Variants in ARHGAP8 observed in about 807,000 individuals in gnomAD.
ARHGAP8 encodes rho GTPase-activating protein 8.
ARHGAP8 carries 62 observed loss-of-function variants against 46.1 expected under a neutral mutation model. The ratio of observed to expected loss-of-function variants is 1.34; its 90% CI spans 1.10 to 1.66. The LOEUF is 1.66. Ranked by LOEUF, ARHGAP8 falls within the 40% of genes most tolerant of loss-of-function variation. ARHGAP8 has a pLI of 0.00. For synonymous variants in ARHGAP8, 375 were observed against 243.1 expected, an observed-to-expected ratio of 1.54 and a Z score of -5.05; for missense variants, 923 against 568.4, an observed-to-expected ratio of 1.62 and a Z score of -6.34.
At chr22:44,792,793 G>GTGA in intron 2 of ARHGAP8, among the ~76,000 whole-genome samples, 1 of 111,072 alleles carries the variant, frequency 9.0e-6, no homozygotes, top group South Asian at 3.7e-4. Flanking sequence ...ACTAACGACA[G>GTGA]TGGTGGTGGT....
At chr22:44,786,333 G>C in intron 1 of ARHGAP8, 124 bp from the exon 2 acceptor site, 1 of 1,096,218 alleles carries the variant, frequency 9.1e-7, no homozygotes, top group South Asian at 1.7e-5. Flanking sequence ...GCACGGCTGA[G>C]GTAGGGCGCG....
At chr22:44,814,881 G>A in intron 5 of ARHGAP8, 123 bp downstream of exon 5, 2 of 1,180,044 alleles carry the variant, frequency 1.7e-6, no homozygotes, top group South Asian at 1.5e-5. Flanking sequence ...TGTGTATCTG[G>A]GGCTCCCTAC....
rs137869120 is a variant in ARHGAP8, at chr22:44,821,959, C to T, written c.387-412C>T. 4.8e-3 allele frequency among the ~76,000 whole-genome samples: 725 copies of T among 152,174 alleles called. 3 individuals carry two copies. Among genetic ancestry groups the T allele is most frequent in the Non-Finnish European group, 6.9e-3 (471 of 67,990 alleles). On this transcript the variant is annotated intron_variant, in intron 5 of 11. Transcript: ENST00000356099. ...GAAGCCACCACTGACCCCAAAACCG[C>T]GAGCAACTGAGGCTGCCCTGGGGCA...
chr22:44,775,512 G>C (rs979088455), intron 1 of ARHGAP8, among the ~76,000 whole-genome samples: 7 of 151,764 alleles, frequency 4.6e-5, no homozygotes, highest in Non-Finnish European at 7.4e-5. Context: ...CAATGGCACA[G>C]TCTTGGCTCA....
chr22:44,862,763 G>A lies in ARHGAP8; in HGVS notation c.*168G>A. On this transcript the variant is annotated 3_prime_UTR_variant, in exon 12 of 12. Transcript: ENST00000356099. ...TTGGACTCTTGTCCATGGTTCCTGAGCTGTGGACCGGGATAGAATAATGCA... is the reference window on the plus strand; with the variant it reads ...TTGGACTCTTGTCCATGGTTCCTGAACTGTGGACCGGGATAGAATAATGCA... The A allele has an allele frequency of 1.9e-5, 16 of 821,792 alleles. No individual in the cohort carries two copies. The highest frequency in any genetic ancestry group is 2.9e-5 in the Non-Finnish European group (16 of 554,932). The allele number at this position is 821,792 out of a possible 1,614,324, so 50.9% of individuals were successfully genotyped here. A position where few individuals can be genotyped will look rare whatever the true frequency, so the allele number is the denominator to read the frequency against.
intron 1 of ARHGAP8, 29 bp downstream of exon 1, chr22:44,752,656 C>T (rs1221023423): frequency 8.0e-6 from 1 of 124,852 alleles, no homozygotes; most frequent in African/African-American, 3.1e-5. Flanking sequence ...GGAGGGAGCG[C>T]GCAGGGAGGA....
In ARHGAP8 at chr22:44,842,357, AAAACAAAC is replaced by A. The variant is rs371563051; in HGVS notation, c.597-2896_597-2889del. The stretch of plus-strand genomic sequence containing the variant: ...GGGGGACAGAGCGAGACTCCATCTC[AAAACAAAC>A]AAACAAACAAACAAAAACAGCACAG... On this transcript the variant is annotated intron_variant, in intron 7 of 11. Transcript: ENST00000356099. Among the ~76,000 whole-genome samples the A allele has an allele frequency of 3.0e-4, 46 of 152,176 alleles. 1 individual carries two copies. The highest frequency in any genetic ancestry group is 1.1e-3 in the African/African-American group (46 of 41,480).
chr22:44,860,924 A>G (rs867575624), intron 11 of ARHGAP8, among the ~76,000 whole-genome samples: 2 of 151,966 alleles, frequency 1.3e-5, no homozygotes, highest in Admixed American at 6.6e-5. Flanking sequence ...GGAGAATGTC[A>G]CTTCTTGGTT....
intron 7 of ARHGAP8, among the ~76,000 whole-genome samples, chr22:44,832,298 C>T (rs935273508): frequency 4.1e-5 from 6 of 146,620 alleles, no homozygotes; most frequent in East Asian, 2.0e-4. Flanking sequence ...GCAATCTTGG[C>T]GCACTACAAC....
intron 9 of ARHGAP8, among the ~76,000 whole-genome samples, chr22:44,848,485 C>T (rs894450378): frequency 1.3e-5 from 2 of 152,252 alleles, no homozygotes; most frequent in African/African-American, 4.8e-5. Context: ...CTAATGAAGG[C>T]GCTGTCTTGC....
chr22:44,820,543 G>A (rs568565134), intron 5 of ARHGAP8, among the ~76,000 whole-genome samples: 23 of 152,282 alleles, frequency 1.5e-4, no homozygotes, highest in Non-Finnish European at 2.2e-4. Context: ...TGGGCAGGCG[G>A]TGAGGACACT....
intron 1 of ARHGAP8, among the ~76,000 whole-genome samples, chr22:44,779,311 G>A (rs748546556): frequency 1.3e-5 from 2 of 151,896 alleles, no homozygotes; most frequent in Non-Finnish European, 2.9e-5. Context: ...ATGTTGACCA[G>A]GCTGGTCTCG....
intron 1 of ARHGAP8, among the ~76,000 whole-genome samples, chr22:44,785,445 C>T (rs1927146652): frequency 6.6e-6 from 1 of 152,096 alleles, no homozygotes; most frequent in Non-Finnish European, 1.5e-5. Context: ...CCTGGTGTCC[C>T]TTGGCTTGCG....
chr22:44,756,075 G>A (rs1047337576), intron 1 of ARHGAP8, among the ~76,000 whole-genome samples: 2 of 136,366 alleles, frequency 1.5e-5, no homozygotes, highest in Non-Finnish European at 3.3e-5. Context: ...TTTAGAGCCT[G>A]CTCCTTCCAC....
At chr22:44,831,108 C>T (rs919970932) in intron 7 of ARHGAP8, among the ~76,000 whole-genome samples, 2 of 152,136 alleles carry the variant, frequency 1.3e-5, no homozygotes, top group African/African-American at 4.8e-5. Context: ...TTCTTCCGTC[C>T]TATGTGTTGT....
chr22:44,810,179 G>A (rs1929232762), intron 4 of ARHGAP8, among the ~76,000 whole-genome samples: 1 of 151,182 alleles, frequency 6.6e-6, no homozygotes, highest in African/African-American at 2.4e-5. Context: ...ACTAGGCTGT[G>A]ATCCCGGACC....
chr22:44,753,963 G>T (rs1056048825), intron 1 of ARHGAP8, among the ~76,000 whole-genome samples: 1 of 152,194 alleles, frequency 6.6e-6, no homozygotes, highest in Non-Finnish European at 1.5e-5. Context: ...GATCATGTTT[G>T]TGGACTCCTC....
chr22:44,862,578 G>A lies in ARHGAP8; in HGVS notation c.1285G>A (p.Ala429Thr), dbSNP rs756578409. The change falls in exon 12 of 12, where the codon GCC becomes ACC. Residue 429 changes from alanine to threonine, a missense_variant. Physicochemically the swap from Ala to Thr is moderately conservative, Grantham distance 58. Transcript: ENST00000356099. ...PTLPPSPLMA[A>T]RRRL ...CCTACCTCCGAGTCCCCTGATGGCA[G>A]CCAGAAGACGTCTCTAGTGTTGCGA... 2 of 1,585,858 alleles carry A rather than the reference G, an allele frequency of 1.3e-6. No homozygotes were observed. Among genetic ancestry groups the A allele is most frequent in the Admixed American group, 3.4e-5 (2 of 58,366 alleles).
At chr22:44,792,812 T>G (rs866397831) in intron 2 of ARHGAP8, among the ~76,000 whole-genome samples, 1 of 124,912 alleles carries the variant, frequency 8.0e-6, no homozygotes, top group African/African-American at 3.1e-5. Context: ...GTGGTGGTGG[T>G]TTTTTTTGTT....
Sources: gnomAD v4.1 joint callset for allele counts (sites outside exome capture counted in the v4.1 genomes callset) on GRCh38, gnomAD v4.1.1 for gene constraint, MANE v1.5 for transcripts, NCBI Gene and HGNC (gene_info 2026-07-23, HGNC 2026-07-21) for gene names.